Variants in CIP2A observed in about 807,000 individuals in gnomAD.
CIP2A encodes the protein cellular inhibitor of PP2A, also known as protein CIP2A.
In CIP2A, 103 loss-of-function variants were observed where a neutral mutation model predicts 110.9. The observed-to-expected ratio is 0.93, with a 90% CI of 0.79 to 1.09. The LOEUF (loss-of-function observed/expected upper bound fraction) is 1.09, where lower values mean the gene tolerates loss of function less well. Among genes scored for constraint, CIP2A ranks in the 50% least tolerant of loss-of-function variants. The probability of loss-of-function intolerance (pLI) is 0.00; values close to 1 mark genes in which losing one functional copy is unlikely to be tolerated. For missense variants in CIP2A, 1,088 were observed against 1,038.4 expected (o/e 1.05, Z -0.66); for synonymous variants, 381 against 361.6 (o/e 1.05, Z -0.61).
At chr3:108,551,404 T>C (rs1218691312) in intron 20 of CIP2A, 85 bp from the exon 21 acceptor site, 1 of 910,030 alleles carries the variant, frequency 1.1e-6, no homozygotes, top group East Asian at 2.8e-5. Flanking sequence ...TTTAAGATGC[T>C]TTTATTTTTT....
chr3:108,563,741 C>G (rs974422146), intron 12 of CIP2A, among the ~76,000 whole-genome samples: 7 of 151,958 alleles, frequency 4.6e-5, no homozygotes, highest in Non-Finnish European at 7.4e-5. Context: ...ATTGTAAGCC[C>G]CAAGTCATCA....
At chr3:108,553,759 A>G (rs1390708111) in intron 18 of CIP2A, 29 bp from the exon 19 acceptor site, 5 of 1,513,884 alleles carry the variant, frequency 3.3e-6, no homozygotes, top group Non-Finnish European at 4.5e-6. Flanking sequence ...ATAGAAGAAA[A>G]CATTAATGAA....
Position 108,560,173 on chromosome 3 carries a change from A to T in CIP2A, c.1828-145T>A, listed in dbSNP as rs1310837013. On this transcript the variant is annotated intron_variant, in intron 14 of 20. Coordinates refer to ENST00000295746, the MANE Select transcript of CIP2A (RefSeq NM_020890.3). ...CAAATGCTACATCAGGTAAGTCACA[A>T]ATATTTCTTTTTTTTTTTTGAGATG... is the stretch of plus-strand genomic sequence containing the variant. 4 of 592,166 alleles carry T rather than the reference A, an allele frequency of 6.8e-6. No individual in the cohort carries two copies. In the East Asian group the frequency reaches 1.1e-4, roughly 17 times the overall value. 36.7% of individuals were successfully genotyped at this position (592,166 alleles called of 1,614,324 possible).
chr3:108,569,015 A>G (rs888705842), intron 9 of CIP2A, among the ~76,000 whole-genome samples: 1 of 151,104 alleles, frequency 6.6e-6, no homozygotes, highest in African/African-American at 2.4e-5. Flanking sequence ...TCACTGACTG[A>G]ATCCAATATG....
chr3:108,571,016 CACAA>C lies in CIP2A; in HGVS notation c.895-1413_895-1410del, dbSNP rs539952938. Among the ~76,000 whole-genome samples the C allele has an allele frequency of 1.1e-3, 170 of 151,996 alleles. 5 individuals carry two copies. In the East Asian group the frequency reaches 0.031, roughly 28 times the overall value. ...AAACTTTTTTTGTTAAAAACAAAGA[CACAA>C]ACACAGACATTAGCCCAGGTCTACA... On this transcript the variant is annotated intron_variant, in intron 8 of 20. Coordinates refer to ENST00000295746, the MANE Select transcript of CIP2A (RefSeq NM_020890.3).
rs114947971 is a variant in CIP2A, at chr3:108,559,013, C to T, written c.2013+744G>A. 3.7e-3 allele frequency among the ~76,000 whole-genome samples: 567 copies of T among 152,042 alleles called. 2 individuals are homozygous for T. The highest frequency in any genetic ancestry group is 6.4e-3 in the Non-Finnish European group (434 of 67,978). ...ACTGCCTTAGAGATCCTTGGGGGAGCGGCTAGGTGAAGGGGGTAGAACCAA... is the reference window on the plus strand; with the variant it reads ...ACTGCCTTAGAGATCCTTGGGGGAGTGGCTAGGTGAAGGGGGTAGAACCAA... On this transcript the variant is annotated intron_variant, in intron 16 of 20. Coordinates refer to ENST00000295746, the MANE Select transcript of CIP2A (RefSeq NM_020890.3).
intron 19 of CIP2A, 90 bp from the exon 20 acceptor site, chr3:108,552,463 G>T: frequency 3.0e-6 from 2 of 677,630 alleles, no homozygotes. Flanking sequence ...GAGCAAAAGA[G>T]AAATAACTAG....
intron 8 of CIP2A, among the ~76,000 whole-genome samples, chr3:108,571,564 T>C (rs1330919729): frequency 6.6e-6 from 1 of 152,216 alleles, no homozygotes; most frequent in Non-Finnish European, 1.5e-5. Context: ...ATGTCCGTTA[T>C]AAACATAGAA....
In CIP2A at chr3:108,585,048, GA is replaced by G. The variant is rs1559704728; in HGVS notation, c.250+16del. ...TACATCTTCCAAAAACTAAAAAGGA[GA>G]AATTAAATGCATTACCTAGTTGAGA... On this transcript the variant is annotated intron_variant, in intron 2 of 20. Coordinates refer to ENST00000295746, the MANE Select transcript of CIP2A (RefSeq NM_020890.3). 6.3e-7 allele frequency: 1 copy of G among 1,594,634 alleles called. No individual in the cohort carries two copies. The highest frequency in any genetic ancestry group is 2.2e-5 in the East Asian group (1 of 44,526).
chr3:108,566,358 A>C, intron 11 of CIP2A, 139 bp downstream of exon 11: 1 of 629,790 alleles, frequency 1.6e-6, no homozygotes, highest in Non-Finnish European at 2.6e-6. Context: ...TTTACAAAAA[A>C]TTCATTATGA....
chr3:108,566,399 G>T, intron 11 of CIP2A, 98 bp downstream of exon 11: 1 of 911,350 alleles, frequency 1.1e-6, no homozygotes, highest in Non-Finnish European at 1.7e-6. Context: ...TATATCTTAA[G>T]TTATAACCAA....
In CIP2A at chr3:108,559,985, T is replaced by C. The variant is rs752385051; in HGVS notation, c.1871A>G (p.Asp624Gly). 5.0e-6 allele frequency: 8 copies of C among 1,602,658 alleles called. No homozygotes were observed. The African/African-American group carries it at 9.4e-5, about 19-fold the overall frequency. ...ICDVRISDIM[D>G]VYEMKLSTLA... ...TGTGGATAGTTTCATTTCATATACA[T>C]CCATTATGTCAGATATTCTCACATC... is the stretch of plus-strand genomic sequence containing the variant. Residue 624 changes from aspartate (D) to glycine (G), a missense_variant, in exon 15 of 21, where the codon GAT becomes GGT. Transcript: ENST00000295746.
At chr3:108,561,500 T>C (rs935423198) in intron 13 of CIP2A, among the ~76,000 whole-genome samples, 3 of 151,900 alleles carry the variant, frequency 2.0e-5, no homozygotes, top group African/African-American at 7.3e-5. Context: ...GTGAGACCCC[T>C]CTATAAAAAA....
At chr3:108,559,685 C>A in intron 16 of CIP2A, 72 bp downstream of exon 16, 1 of 766,768 alleles carries the variant, frequency 1.3e-6, no homozygotes. Context: ...GTAACAAATA[C>A]ATAACTAATA....
At chr3:108,577,018 G>A (rs971213890) in intron 7 of CIP2A, among the ~76,000 whole-genome samples, 2 of 152,212 alleles carry the variant, frequency 1.3e-5, no homozygotes, top group African/African-American at 4.8e-5. Context: ...ACCCAGACTC[G>A]AGTCTTAAAA....
In CIP2A at chr3:108,559,856, G is replaced by T; in HGVS notation, c.1914C>A (p.Ser638Arg). Reference sequence around the variant, plus strand: ...TTGTTTCCAAAAGATCTTGTAGCCTGCTTTCTTTGGACTACAAGAAAACAT... The same window carrying T: ...TTGTTTCCAAAAGATCTTGTAGCCTTCTTTCTTTGGACTACAAGAAAACAT... Reference protein sequence around the residue: ...MKLSTLASKESRLQDLLETKA... With the variant: ...MKLSTLASKERRLQDLLETKA... The change falls in exon 16 of 21, where the codon AGC (serine) becomes AGA (arginine). Residue 638 changes from serine to arginine, a missense_variant. Ser to Arg is a moderately radical substitution (Grantham distance 110). Transcript: ENST00000295746. The T allele has an allele frequency of 3.7e-6, 6 of 1,605,954 alleles. No individual in the cohort carries two copies. Among genetic ancestry groups the T allele is most frequent in the Non-Finnish European group, 5.1e-6 (6 of 1,174,124 alleles).
intron 8 of CIP2A, among the ~76,000 whole-genome samples, chr3:108,575,645 T>C (rs1249283317): frequency 8.2e-5 from 11 of 134,110 alleles, no homozygotes; most frequent in South Asian, 2.3e-4. Context: ...TATATACTCA[T>C]ATACATGTGT....
chr3:108,555,303 A>T (rs1166388459), intron 17 of CIP2A, among the ~76,000 whole-genome samples: 1 of 152,212 alleles, frequency 6.6e-6, no homozygotes, highest in East Asian at 1.9e-4. Flanking sequence ...GAGGACCTCA[A>T]GCTGGAAAAT....
Position 108,560,633 on chromosome 3 carries a change from C to G in CIP2A, c.1827+16G>C, listed in dbSNP as rs1334001148. 2 of 1,539,354 alleles carry G rather than the reference C, an allele frequency of 1.3e-6. No individual in the cohort carries two copies. Among genetic ancestry groups the G allele is most frequent in the East Asian group, 2.3e-5 (1 of 43,918 alleles). On this transcript the variant is annotated intron_variant, in intron 14 of 20. Coordinates refer to ENST00000295746, the MANE Select transcript of CIP2A (RefSeq NM_020890.3). ...GCTAATATGTACCAGGTTATAATTGCTATTTTTTCACTCACCACCATTCCA... is the reference window on the plus strand; with the variant it reads ...GCTAATATGTACCAGGTTATAATTGGTATTTTTTCACTCACCACCATTCCA...
Sources: allele counts gnomAD v4.1 joint callset (sites outside exome capture counted in the v4.1 genomes callset), GRCh38; gene constraint gnomAD v4.1.1; transcripts MANE v1.5; gene names NCBI Gene and HGNC (gene_info 2026-07-23, HGNC 2026-07-21).